SLC16A10: variants seen among roughly 807,000 people sequenced by gnomAD.
The protein encoded by SLC16A10 is monocarboxylate transporter 10.
SLC16A10 carries 27 observed loss-of-function variants against 40.0 expected under a neutral mutation model. The observed-to-expected ratio is 0.67, with a 90% confidence interval of 0.50 to 0.93. The LOEUF (loss-of-function observed/expected upper bound fraction) is 0.93. Among genes scored for constraint, SLC16A10 ranks in the 40% least tolerant of loss-of-function variants. The pLI, the probability that SLC16A10 is intolerant of heterozygous loss-of-function variation, is 0.00. For synonymous variants in SLC16A10, 213 were observed against 249.8 expected, an observed-to-expected ratio of 0.85 and a Z score of 1.39; for missense variants, 529 against 658.2, an observed-to-expected ratio of 0.80 and a Z score of 2.15.
intron 1 of SLC16A10, among the ~76,000 whole-genome samples, chr6:111,145,976 TA>T (rs1772069965): frequency 6.6e-6 from 1 of 152,092 alleles, no homozygotes; most frequent in African/African-American, 2.4e-5. Context: ...TCATCAAAAT[TA>T]AAACCTCTGT....
At chr6:111,102,717 A>C (rs1225809015) in intron 1 of SLC16A10, among the ~76,000 whole-genome samples, 1 of 152,168 alleles carries the variant, frequency 6.6e-6, no homozygotes, top group Non-Finnish European at 1.5e-5. Flanking sequence ...AGACTTGGGC[A>C]TGAGGACTTT....
chr6:111,182,074 C>A (rs550091732), intron 3 of SLC16A10, among the ~76,000 whole-genome samples: 3 of 152,168 alleles, frequency 2.0e-5, no homozygotes, highest in Admixed American at 2.0e-4. Flanking sequence ...TCCCGGCTCA[C>A]TGCAACCTCC....
At position 111,172,759 on chromosome 6, in the gene SLC16A10, A is replaced by G. The variant is rs1425624247; in HGVS notation, c.408A>G (p.Thr136=). 1.9e-6 allele frequency: 3 copies of G among 1,614,062 alleles called. No homozygotes were observed. The highest frequency in any genetic ancestry group is 4.5e-5 in the East Asian group (2 of 44,890). The change falls in exon 2 of 6, where the codon ACA becomes ACG. Residue 136 remains threonine (T), a synonymous_variant. Transcript: ENST00000368851. ...GCTGCCCAATAGTCAGCGTCTTCACAGACCTATTTGGTTGTCGGAAAACAG... is the reference window on the plus strand; with the variant it reads ...GCTGCCCAATAGTCAGCGTCTTCACGGACCTATTTGGTTGTCGGAAAACAG... The part of the protein sequence containing the change: ...FFCCPIVSVF[T]DLFGCRKTAV...
intron 1 of SLC16A10, among the ~76,000 whole-genome samples, chr6:111,116,130 G>A (rs938841739): frequency 2.6e-5 from 4 of 151,896 alleles, no homozygotes; most frequent in Non-Finnish European, 5.9e-5. Context: ...CTAGCATCTC[G>A]CGTAATGACT....
chr6:111,216,411 C>CA (rs1773421612), intron 4 of SLC16A10, among the ~76,000 whole-genome samples: 1 of 147,174 alleles, frequency 6.8e-6, no homozygotes, highest in Admixed American at 6.8e-5. Context: ...CTTTTCTTTT[C>CA]TTTTTTTTTT....
At chr6:111,125,223 A>G (rs1369510451) in intron 1 of SLC16A10, among the ~76,000 whole-genome samples, 3 of 152,208 alleles carry the variant, frequency 2.0e-5, no homozygotes, top group African/African-American at 7.2e-5. Context: ...ATAATTTACC[A>G]CACTAAAGCT....
At chr6:111,130,575 C>A (rs929813072) in intron 1 of SLC16A10, among the ~76,000 whole-genome samples, 1 of 152,106 alleles carries the variant, frequency 6.6e-6, no homozygotes, top group Non-Finnish European at 1.5e-5. Context: ...GGTAGCATTA[C>A]CTCTGCATTA....
At chr6:111,112,212 T>C (rs1771401750) in intron 1 of SLC16A10, among the ~76,000 whole-genome samples, 1 of 152,014 alleles carries the variant, frequency 6.6e-6, no homozygotes, top group African/African-American at 2.4e-5. Flanking sequence ...AAAAAATTTT[T>C]TTTTTCTAGA....
At chr6:111,187,895 G>A (rs775368470) in intron 3 of SLC16A10, among the ~76,000 whole-genome samples, 3 of 152,170 alleles carry the variant, frequency 2.0e-5, no homozygotes, top group Non-Finnish European at 4.4e-5. Flanking sequence ...GCTCACAGTA[G>A]TATCCTTATA....
rs1486695066 is a variant in SLC16A10, at chr6:111,230,819, T to A, written c.*8584T>A. The A allele has an allele frequency of 2.0e-5, 3 of 152,184 alleles. No homozygotes were observed. In the East Asian group the frequency reaches 5.8e-4, roughly 29 times the overall value. 9.4% of individuals were successfully genotyped at this position (152,184 alleles called of 1,614,324 possible). ...TTTAATTATTTTGTATATTTTGAGT[T>A]AGAAAAACACACTTTATCTTAGACA... is the stretch of plus-strand genomic sequence containing the variant. On this transcript the variant is annotated 3_prime_UTR_variant, in exon 6 of 6. Transcript: ENST00000368851.
intron 1 of SLC16A10, 124 bp downstream of exon 1, chr6:111,088,219 C>G (rs1189977492): frequency 4.2e-6 from 4 of 953,068 alleles, no homozygotes; most frequent in Non-Finnish European, 4.6e-6. Flanking sequence ...CCAGAGGGTG[C>G]GAGCAGGGGG....
At chr6:111,153,273 G>A (rs918283722) in intron 1 of SLC16A10, among the ~76,000 whole-genome samples, 1 of 152,192 alleles carries the variant, frequency 6.6e-6, no homozygotes, top group African/African-American at 2.4e-5. Context: ...GGTGGCTCAT[G>A]CCTGTAATCG....
At chr6:111,141,621 C>G (rs915200746) in intron 1 of SLC16A10, among the ~76,000 whole-genome samples, 1 of 152,172 alleles carries the variant, frequency 6.6e-6, no homozygotes, top group Non-Finnish European at 1.5e-5. Flanking sequence ...GAGATCACAC[C>G]ATTGCACTCC....
chr6:111,136,401 C>T (rs1254667461), intron 1 of SLC16A10, among the ~76,000 whole-genome samples: 1 of 152,178 alleles, frequency 6.6e-6, no homozygotes, highest in East Asian at 1.9e-4. Context: ...GTCTTAGTAT[C>T]TGAAGCAGTT....
At position 111,109,960 on chromosome 6, in the gene SLC16A10, CT is replaced by C. The variant is rs915948886; in HGVS notation, c.343+21874del. On this transcript the variant is annotated intron_variant, in intron 1 of 5. Transcript: ENST00000368851. Reference sequence around the variant, plus strand: ...TTTCTCAAGTGGGTAATACTGTGTACTTTTTTTTTGAAATTAAAAAAATTGT... The same window carrying C: ...TTTCTCAAGTGGGTAATACTGTGTACTTTTTTTTGAAATTAAAAAAATTGT... Among the ~76,000 whole-genome samples, 69 of 150,998 alleles carry C rather than the reference CT, an allele frequency of 4.6e-4. 1 individual carries two copies. The highest frequency in any genetic ancestry group is 1.6e-3 in the African/African-American group (66 of 41,186).
In SLC16A10 at chr6:111,227,321, C is replaced by T. The variant is rs935787823; in HGVS notation, c.*5086C>T. ...TATTATTAGTTGGCAGAGATTAATG[C>T]TTTGTGTTATAAATATACTATAGAA... On this transcript the variant is annotated 3_prime_UTR_variant, in exon 6 of 6. Transcript: ENST00000368851. 2.0e-5 allele frequency: 3 copies of T among 152,192 alleles called. No individual in the cohort carries two copies. The highest frequency in any genetic ancestry group is 4.8e-5 in the African/African-American group (2 of 41,434). 9.4% of individuals were successfully genotyped at this position (152,192 alleles called of 1,614,324 possible).
In SLC16A10 at chr6:111,103,470, G is replaced by A. The variant is rs137871875; in HGVS notation, c.343+15375G>A. ...TGACCTCAGGTGATCCACCTGCCTC[G>A]GCCTCCCAAAGTGCTGGGATTATAG... On this transcript the variant is annotated intron_variant, in intron 1 of 5. Coordinates refer to ENST00000368851, the MANE Select transcript of SLC16A10 (RefSeq NM_018593.5). 3.3e-5 allele frequency among the ~76,000 whole-genome samples: 5 copies of A among 151,960 alleles called. No individual in the cohort carries two copies. The East Asian group carries it at 5.8e-4, about 18-fold the overall frequency.
intron 1 of SLC16A10, chr6:111,091,362 GC>G (rs770102547): frequency 3.3e-5 from 5 of 152,184 alleles, no homozygotes; most frequent in Admixed American, 6.5e-5. Flanking sequence ...TCATCATATT[GC>G]ATTGACTAGA....
At position 111,170,944 on chromosome 6, in the gene SLC16A10, C is replaced by T. The variant is rs957811492; in HGVS notation, c.344-1751C>T. ...CTTAAGCCCAGGAGTTTGAGACCAG[C>T]CTGGGCAACATGGCGAAACCTTGTC... On this transcript the variant is annotated intron_variant, in intron 1 of 5. Transcript: ENST00000368851. Among the ~76,000 whole-genome samples, 3 of 152,052 alleles carry T rather than the reference C, an allele frequency of 2.0e-5. No homozygotes were observed. In the East Asian group the frequency reaches 5.8e-4, roughly 30 times the overall value.
Sources: allele counts gnomAD v4.1 joint callset (sites outside exome capture counted in the v4.1 genomes callset), GRCh38; gene constraint gnomAD v4.1.1; transcripts MANE v1.5; gene names NCBI Gene and HGNC (gene_info 2026-07-23, HGNC 2026-07-21).